Variants in SPAG17 observed in about 807,000 individuals in gnomAD.
SPAG17 encodes sperm associated antigen 17.
A neutral mutation model predicts 273.6 loss-of-function variants in SPAG17; 169 were observed. That is an observed-to-expected ratio of 0.62 (90% CI 0.55 to 0.70). The LOEUF is 0.70. Among genes scored for constraint, SPAG17 ranks in the 30% least tolerant of loss-of-function variants. SPAG17 has a pLI of 0.00. For missense variants in SPAG17, 2,557 were observed against 2,627.8 expected, an observed-to-expected ratio of 0.97 and a Z score of 0.59; for synonymous variants, 825 against 873.2, an observed-to-expected ratio of 0.94 and a Z score of 0.97.
intron 17 of SPAG17, among the ~76,000 whole-genome samples, chr1:118,068,122 T>C (rs1056873363): frequency 2.0e-5 from 3 of 151,554 alleles, no homozygotes; most frequent in African/African-American, 7.3e-5. Flanking sequence ...ATTGTTTGCA[T>C]ATCTGAAGGC....
In SPAG17 at chr1:118,150,611, G is replaced by T. The variant is rs768941222; in HGVS notation, c.247C>A (p.Leu83Ile). Residue 83 changes from leucine to isoleucine, a missense_variant, in exon 3 of 49, where the codon CTT becomes ATT. Coordinates refer to ENST00000336338, the MANE Select transcript of SPAG17 (RefSeq NM_206996.4). ...ILQQINEINT[L>I]VGSASSKKAK... The stretch of plus-strand genomic sequence containing the variant: ...TTTTTAGATGAAGCAGATCCAACAA[G>T]TGTATTTATTTCATTAATCTGTAAG... 6.4e-7 allele frequency: 1 copy of T among 1,553,418 alleles called. No homozygotes were observed. Among genetic ancestry groups the T allele is most frequent in the South Asian group, 1.2e-5 (1 of 85,964 alleles).
At chr1:118,038,264 T>G (rs149271615) in intron 23 of SPAG17, among the ~76,000 whole-genome samples, 5 of 152,134 alleles carry the variant, frequency 3.3e-5, no homozygotes, top group Admixed American at 2.0e-4. Context: ...GGAGAAAATC[T>G]AAAACAGAAA....
chr1:118,134,533 C>T (rs973832270), intron 3 of SPAG17, among the ~76,000 whole-genome samples: 11 of 152,160 alleles, frequency 7.2e-5, no homozygotes, highest in African/African-American at 2.7e-4. Context: ...CAGCAATGAA[C>T]TGCTTTTAAC....
chr1:117,994,957 T>C (rs1309278788), intron 34 of SPAG17, among the ~76,000 whole-genome samples: 1 of 152,130 alleles, frequency 6.6e-6, no homozygotes, highest in Non-Finnish European at 1.5e-5. Flanking sequence ...GGGTGACTGA[T>C]TATGTTAGTC....
rs1654601573 is a variant in SPAG17 at position 117,971,874 on chromosome 1, C to T, written c.6315G>A (p.Val2105=). ...ATVVKLKNVG[V]DFCRFKVKQP... ...TCCCTTGGCCTCACCTGCAGAAGTC[C>T]ACTCCAACATTCTTGAGCTTTACAA... The change falls in exon 45 of 49, where the codon GTG becomes GTA. Residue 2105 remains valine, a synonymous_variant. Transcript: ENST00000336338. 1.2e-6 allele frequency: 2 copies of T among 1,612,512 alleles called. No homozygotes were observed. Among genetic ancestry groups the T allele is most frequent in the Admixed American group, 1.7e-5 (1 of 59,832 alleles).
At chr1:118,143,289 A>G (rs564621907) in intron 3 of SPAG17, among the ~76,000 whole-genome samples, 1 of 152,354 alleles carries the variant, frequency 6.6e-6, no homozygotes, top group African/African-American at 2.4e-5. Flanking sequence ...AATTTAAACT[A>G]TTTATTCTCA....
chr1:118,066,214 C>G (rs1469864316), intron 18 of SPAG17, among the ~76,000 whole-genome samples: 1 of 151,728 alleles, frequency 6.6e-6, no homozygotes, highest in Admixed American at 6.6e-5. Flanking sequence ...AGTGAAATAT[C>G]ATCATACTTA....
chr1:117,993,430 T>C (rs1021326023), intron 35 of SPAG17, among the ~76,000 whole-genome samples: 1 of 152,176 alleles, frequency 6.6e-6, no homozygotes. Flanking sequence ...AATTTGGATA[T>C]AGCCTTAGTG....
At position 118,171,672 on chromosome 1, in the gene SPAG17, A is replaced by T. The variant is rs138449682; in HGVS notation, c.87+13399T>A. Among the ~76,000 whole-genome samples the T allele has an allele frequency of 2.0e-3, 301 of 152,334 alleles. 3 individuals are homozygous for T. The highest frequency in any genetic ancestry group is 7.7e-3 in the East Asian group (40 of 5,180). ...AAGCGACACTTTAATATCAAGTTTA[A>T]GTATTAATAGAAAAATTTTCAATAG... On this transcript the variant is annotated intron_variant, in intron 1 of 48. Coordinates refer to ENST00000336338, the MANE Select transcript of SPAG17 (RefSeq NM_206996.4).
intron 18 of SPAG17, among the ~76,000 whole-genome samples, chr1:118,064,164 G>A (rs1652681403): frequency 6.6e-6 from 1 of 152,142 alleles, no homozygotes; most frequent in Non-Finnish European, 1.5e-5. Flanking sequence ...CAACCATTGT[G>A]GAAGTCAGTG....
In SPAG17 at chr1:117,996,520, T is replaced by C. The variant is rs1242515148; in HGVS notation, c.4923-20A>G. 6.2e-7 allele frequency: 1 copy of C among 1,608,308 alleles called. No individual in the cohort carries two copies. Among genetic ancestry groups the C allele is most frequent in the Non-Finnish European group, 8.5e-7 (1 of 1,177,914 alleles). On this transcript the variant is annotated intron_variant, in intron 33 of 48. Transcript: ENST00000336338. ...AAAAACCTATTTGAAGAAATAAAAA[T>C]ATAATCACTTCAAGTATTCCGTTAA...
At chr1:118,152,702 A>G (rs1008966065) in intron 1 of SPAG17, among the ~76,000 whole-genome samples, 1 of 152,210 alleles carries the variant, frequency 6.6e-6, no homozygotes, top group Non-Finnish European at 1.5e-5. Flanking sequence ...TTCCTCTGTT[A>G]TAATGAGTTG....
At position 118,091,993 on chromosome 1, in the gene SPAG17, G is replaced by A. The variant is rs1334773676; in HGVS notation, c.1183C>T (p.Pro395Ser). 3 of 1,613,318 alleles carry A rather than the reference G, an allele frequency of 1.9e-6. No homozygotes were observed. The highest frequency in any genetic ancestry group is 2.5e-6 in the Non-Finnish European group (3 of 1,179,514). Reference protein sequence around the residue: ...EAMPTSEAPQPAVPAPGKKKA... With the variant: ...EAMPTSEAPQSAVPAPGKKKA... ...TTCTTTCCAGGAGCTGGTACAGCAG[G>A]TTGTGGAGCCTAGAAAAAGAATAAT... Residue 395 changes from proline to serine, a missense_variant, in exon 9 of 49, where the codon CCT (proline) becomes TCT (serine). Transcript: ENST00000336338.
intron 3 of SPAG17, among the ~76,000 whole-genome samples, chr1:118,119,007 T>G (rs560190089): frequency 1.3e-5 from 2 of 152,344 alleles, no homozygotes; most frequent in South Asian, 4.1e-4. Flanking sequence ...TCTCTCCTTC[T>G]AAGCATTCCT....
At chr1:118,043,919 C>A (rs1311572994) in intron 20 of SPAG17, among the ~76,000 whole-genome samples, 6 of 152,066 alleles carry the variant, frequency 3.9e-5, no homozygotes. Context: ...ATAAAAATAT[C>A]AACATTCATA....
chr1:117,962,422 G>A (rs1653222931), intron 48 of SPAG17: 1 of 151,924 alleles, frequency 6.6e-6, no homozygotes, highest in Non-Finnish European at 1.5e-5. Context: ...AATATCTCTT[G>A]CATATTGTGA....
intron 28 of SPAG17, among the ~76,000 whole-genome samples, chr1:118,019,676 A>C (rs1209924526): frequency 6.6e-6 from 1 of 152,192 alleles, no homozygotes; most frequent in Non-Finnish European, 1.5e-5. Flanking sequence ...ACCTAGTCAA[A>C]TTTATTGAAA....
intron 7 of SPAG17, among the ~76,000 whole-genome samples, chr1:118,094,998 A>G (rs1423761839): frequency 2.0e-5 from 3 of 152,224 alleles, no homozygotes; most frequent in African/African-American, 7.2e-5. Flanking sequence ...AGTTACCTTC[A>G]TGGCCCAACT....
At chr1:117,994,572 A>C in intron 34 of SPAG17, 42 bp from the exon 35 acceptor site, 1 of 1,568,686 alleles carries the variant, frequency 6.4e-7, no homozygotes, top group South Asian at 1.2e-5. Flanking sequence ...ACCCATTGAA[A>C]GTACTCAGAG....
Sources: allele counts gnomAD v4.1 joint callset (sites outside exome capture counted in the v4.1 genomes callset), GRCh38; gene constraint gnomAD v4.1.1; transcripts MANE v1.5; gene names NCBI Gene and HGNC (gene_info 2026-07-23, HGNC 2026-07-21).